AREL1: variants seen among roughly 807,000 people sequenced by gnomAD.
AREL1 encodes the protein apoptosis resistant E3 ubiquitin protein ligase 1.
Under a neutral mutation model 99.0 loss-of-function variants are expected in AREL1, and 62 were observed. The ratio of observed to expected loss-of-function variants is 0.63; its 90% confidence interval spans 0.51 to 0.77. AREL1 has a LOEUF of 0.77. Among genes scored for constraint, AREL1 ranks in the 30% least tolerant of loss-of-function variants. The pLI is 0.00. For missense variants in AREL1, 879 were observed against 1,027.6 expected, an observed-to-expected ratio of 0.86 and a Z score of 1.98; for synonymous variants, 380 against 376.5, an observed-to-expected ratio of 1.01 and a Z score of -0.11.
intron 2 of AREL1, among the ~76,000 whole-genome samples, chr14:74,687,784 C>T (rs563735122): frequency 1.6e-4 from 24 of 152,148 alleles, no homozygotes; most frequent in African/African-American, 2.9e-4. Context: ...TCAATAGTAG[C>T]GCCAGTATCA....
At position 74,675,959 on chromosome 14, in the gene AREL1, A is replaced by G; in HGVS notation, c.833-13T>C. 1 of 1,566,532 alleles carries G rather than the reference A, an allele frequency of 6.4e-7. No individual in the cohort carries two copies. The highest frequency in any genetic ancestry group is 8.6e-7 in the Non-Finnish European group (1 of 1,156,650). ...TTCTTCTCATCCTCTGAAGTATAAT[A>G]AGGAATAAGGTTTAAAGTAGAAGTC... is the stretch of plus-strand genomic sequence containing the variant. On this transcript the variant is annotated splice_polypyrimidine_tract_variant and intron_variant, in intron 7 of 19. Transcript: ENST00000356357.
In AREL1 at chr14:74,684,436, A is replaced by C. The variant is rs2089701815; in HGVS notation, c.243+18T>G. ...CTCAGAAACCCCAATGGGTATGGAG[A>C]CAGAAACATTCCCTTACATGCACTC... On this transcript the variant is annotated intron_variant, in intron 4 of 19. Coordinates refer to ENST00000356357, the MANE Select transcript of AREL1 (RefSeq NM_001039479.2). 2 of 1,612,062 alleles carry C rather than the reference A, an allele frequency of 1.2e-6. No individual in the cohort carries two copies. Among genetic ancestry groups the C allele is most frequent in the African/African-American group, 1.3e-5 (1 of 75,014 alleles).
rs1026870439 is a variant in AREL1 at position 74,672,266 on chromosome 14, A to G, written c.1422+565T>C. ...CAGTAAGTAAACTGCTCTTCCCTCGATAACATACCTCCAACAAAACTGCCC... is the reference window on the plus strand; with the variant it reads ...CAGTAAGTAAACTGCTCTTCCCTCGGTAACATACCTCCAACAAAACTGCCC... On this transcript the variant is annotated intron_variant, in intron 11 of 19. Coordinates refer to ENST00000356357, the MANE Select transcript of AREL1 (RefSeq NM_001039479.2). Among the ~76,000 whole-genome samples, 8 of 152,258 alleles carry G rather than the reference A, an allele frequency of 5.3e-5. No homozygotes were observed. The South Asian group carries it at 1.7e-3, about 32-fold the overall frequency.
chr14:74,706,994 A>G (rs1366627167), intron 1 of AREL1, among the ~76,000 whole-genome samples: 1 of 152,128 alleles, frequency 6.6e-6, no homozygotes, highest in African/African-American at 2.4e-5. Flanking sequence ...TCTCTTCAAC[A>G]CTCGTCAGAG....
At chr14:74,706,383 C>T (rs2090180395) in intron 1 of AREL1, among the ~76,000 whole-genome samples, 1 of 152,162 alleles carries the variant, frequency 6.6e-6, no homozygotes, top group Admixed American at 6.5e-5. Context: ...CTAACTCTGC[C>T]TCTACTACCA....
In AREL1 at chr14:74,661,619, A is replaced by G. The variant is rs1002310849; in HGVS notation, c.*2101T>C. 7.3e-5 allele frequency: 14 copies of G among 191,932 alleles called. 1 individual carries two copies. The highest frequency in any genetic ancestry group is 3.8e-4 in the South Asian group (5 of 13,272). 11.9% of individuals were successfully genotyped at this position (191,932 alleles called of 1,614,324 possible). A position where few individuals can be genotyped will look rare whatever the true frequency, so the allele number is the denominator to read the frequency against. The stretch of plus-strand genomic sequence containing the variant: ...AAGCAGGATTAGAAAAAAAAAAAAC[A>G]AAACAGTAAAAGAAAAGGCCCAAGA... On this transcript the variant is annotated 3_prime_UTR_variant, in exon 20 of 20. Transcript: ENST00000356357.
intron 1 of AREL1, among the ~76,000 whole-genome samples, chr14:74,696,921 G>A (rs908186866): frequency 1.4e-4 from 22 of 152,040 alleles, no homozygotes; most frequent in African/African-American, 4.1e-4. Flanking sequence ...CCAAGATTGC[G>A]CCACTGCACT....
intron 4 of AREL1, 57 bp from the exon 5 acceptor site, chr14:74,683,590 G>A (rs1443731806): frequency 2.0e-6 from 3 of 1,516,354 alleles, no homozygotes; most frequent in African/African-American, 2.7e-5. Flanking sequence ...AACATTTCCT[G>A]TGTAGAGTGA....
At chr14:74,665,111 T>C (rs1191523262) in intron 17 of AREL1, among the ~76,000 whole-genome samples, 186 bp from the exon 18 acceptor site, 2 of 152,182 alleles carry the variant, frequency 1.3e-5, no homozygotes, top group Non-Finnish European at 2.9e-5. Context: ...GGGCAATAGT[T>C]GCTAACCAGT....
At chr14:74,669,542 A>G in intron 15 of AREL1, 107 bp downstream of exon 15, 1 of 1,425,942 alleles carries the variant, frequency 7.0e-7, no homozygotes, top group Non-Finnish European at 9.4e-7. Context: ...TTTAATAGAC[A>G]ACACAAATAT....
At chr14:74,707,326 C>T (rs1472185309) in intron 1 of AREL1, among the ~76,000 whole-genome samples, 2 of 151,326 alleles carry the variant, frequency 1.3e-5, no homozygotes, top group African/African-American at 2.4e-5. Flanking sequence ...CAAAATGGTG[C>T]CATTGCACTC....
At chr14:74,668,252 C>T (rs2089252382) in intron 15 of AREL1, among the ~76,000 whole-genome samples, 1 of 152,178 alleles carries the variant, frequency 6.6e-6, no homozygotes, top group South Asian at 2.1e-4. Context: ...CAATAAACTC[C>T]TAAGGGAACT....
chr14:74,664,431 T>G (rs1380523489), intron 18 of AREL1, among the ~76,000 whole-genome samples: 1 of 150,028 alleles, frequency 6.7e-6, no homozygotes, highest in Non-Finnish European at 1.5e-5. Context: ...TCCCCTACTT[T>G]TTTCTTCTTT....
At chr14:74,673,286 T>G in intron 9 of AREL1, 68 bp from the exon 10 acceptor site, 21 of 1,524,240 alleles carry the variant, frequency 1.4e-5, no homozygotes, top group Non-Finnish European at 1.8e-5. Context: ...TCCACAGCTC[T>G]ATCCTGTGTA....
intron 2 of AREL1, 27 bp from the exon 3 acceptor site, chr14:74,685,687 T>C (rs2089732732): frequency 6.2e-7 from 1 of 1,602,302 alleles, no homozygotes; most frequent in Admixed American, 1.7e-5. Flanking sequence ...TGTTTAGTTT[T>C]TGTCTCCAAC....
intron 2 of AREL1, among the ~76,000 whole-genome samples, chr14:74,686,933 C>T (rs2089761114): frequency 6.6e-6 from 1 of 152,196 alleles, no homozygotes; most frequent in South Asian, 2.1e-4. Flanking sequence ...TACTGAACCT[C>T]CTTCCCAAAC....
intron 2 of AREL1, 78 bp downstream of exon 2, chr14:74,691,963 G>A: frequency 3.6e-6 from 1 of 275,048 alleles, no homozygotes; most frequent in South Asian, 3.2e-5. Flanking sequence ...ATCCCTTGCT[G>A]AAAAGGCTTA....
At chr14:74,678,686 A>G (rs868525327) in intron 5 of AREL1, among the ~76,000 whole-genome samples, 56 of 129,018 alleles carry the variant, frequency 4.3e-4, no homozygotes, top group Middle Eastern at 3.6e-3. Context: ...GAGTAAAGAC[A>G]TGTATAAGCA....
intron 11 of AREL1, chr14:74,671,955 C>G (rs1298192003): frequency 6.6e-6 from 3 of 452,368 alleles, no homozygotes; most frequent in Non-Finnish European, 1.3e-5. Context: ...AAACGGGTTT[C>G]CAGTCACACC....
Sources: gnomAD v4.1 joint callset for allele counts (sites outside exome capture counted in the v4.1 genomes callset) on GRCh38, gnomAD v4.1.1 for gene constraint, MANE v1.5 for transcripts, NCBI Gene and HGNC (gene_info 2026-07-23, HGNC 2026-07-21) for gene names.